Variants in GADL1 observed in about 807,000 individuals in gnomAD.
The protein encoded by GADL1 is GAD like acidic amino acid decarboxylase 1, also known as acidic amino acid decarboxylase GADL1.
In GADL1, 71 loss-of-function variants were observed where a neutral mutation model predicts 69.5. The observed-to-expected ratio is 1.02, with a 90% CI of 0.84 to 1.25. The LOEUF (loss-of-function observed/expected upper bound fraction) is 1.25, where lower values mean the gene tolerates loss of function less well. GADL1 is among the 50% of genes most tolerant of loss of function. The pLI, the probability that GADL1 is intolerant of heterozygous loss-of-function variation, is 0.00. For missense variants in GADL1, 737 were observed against 631.8 expected, an observed-to-expected ratio of 1.17 and a Z score of -1.79; for synonymous variants, 254 against 214.4, an observed-to-expected ratio of 1.18 and a Z score of -1.62.
chr3:30,799,653 A>C (rs936970741), intron 12 of GADL1: 1 of 152,148 alleles, frequency 6.6e-6, no homozygotes, highest in Non-Finnish European at 1.5e-5. Flanking sequence ...TCCTCAAAAA[A>C]TGGGTTTTTT....
At chr3:30,810,746 CCTTT>C (rs1697335720) in intron 11 of GADL1, among the ~76,000 whole-genome samples, 1 of 152,098 alleles carries the variant, frequency 6.6e-6, no homozygotes, top group Non-Finnish European at 1.5e-5. Context: ...CTCTGGCTCG[CCTTT>C]CTTCTCGCTT....
chr3:30,758,681 C>A (rs1304541411), intron 14 of GADL1, among the ~76,000 whole-genome samples: 1 of 152,184 alleles, frequency 6.6e-6, no homozygotes, highest in Non-Finnish European at 1.5e-5. Context: ...TTCCTGGATT[C>A]TTATCACTGA....
intron 11 of GADL1, among the ~76,000 whole-genome samples, chr3:30,810,293 T>C (rs1313798073): frequency 1.3e-5 from 2 of 152,202 alleles, no homozygotes; most frequent in Admixed American, 6.5e-5. Context: ...GATATAATGC[T>C]TTTAACTTCA....
chr3:30,813,361 G>T (rs1460815633), intron 11 of GADL1, among the ~76,000 whole-genome samples: 3 of 131,690 alleles, frequency 2.3e-5, no homozygotes, highest in African/African-American at 7.1e-5. Context: ...TGGATTAATT[G>T]CATCTCTCCA....
At chr3:30,808,999 T>C (rs1437225117) in intron 11 of GADL1, among the ~76,000 whole-genome samples, 1 of 152,186 alleles carries the variant, frequency 6.6e-6, no homozygotes, top group Admixed American at 6.5e-5. Flanking sequence ...GTGGAGAGTG[T>C]GCTTCATATA....
chr3:30,850,841 T>A lies in GADL1; in HGVS notation c.529A>T (p.Asn177Tyr). 6.5e-7 allele frequency: 1 copy of A among 1,538,384 alleles called. No homozygotes were observed. The highest frequency in any genetic ancestry group is 8.8e-7 in the Non-Finnish European group (1 of 1,135,108). ...IGWKEGDGIF[N>Y]PGGSVSNMYA... is the part of the protein sequence containing the mutation. Reference sequence around the variant, plus strand: ...AATAACTAATTGTACTCACCTGGGTTAAATATTCCATCCCCTTCTTTCCAG... The same window carrying A: ...AATAACTAATTGTACTCACCTGGGTAAAATATTCCATCCCCTTCTTTCCAG... The change falls in exon 5 of 15, where the codon AAC (asparagine) becomes TAC (tyrosine). Residue 177 changes from asparagine (N) to tyrosine (Y), a missense_variant. By Grantham distance (143) the Asn-to-Tyr change is moderately radical. Transcript: ENST00000282538.
At chr3:30,793,817 C>T (rs1413289926) in intron 12 of GADL1, among the ~76,000 whole-genome samples, 1 of 151,936 alleles carries the variant, frequency 6.6e-6, no homozygotes, top group African/African-American at 2.4e-5. Context: ...CTTAGCGCCT[C>T]CCTGAACCAT....
intron 14 of GADL1, among the ~76,000 whole-genome samples, chr3:30,767,393 T>C (rs1306068497): frequency 7.6e-6 from 1 of 131,642 alleles, no homozygotes. Context: ...GCCATTTAAA[T>C]CCTTTGGTTC....
intron 11 of GADL1, among the ~76,000 whole-genome samples, chr3:30,820,540 T>G (rs1697554501): frequency 1.3e-5 from 2 of 152,192 alleles, no homozygotes; most frequent in Admixed American, 6.6e-5. Context: ...AAGTTTTTCT[T>G]ACATCAGCCT....
At chr3:30,775,832 C>T (rs1696524244) in intron 14 of GADL1, among the ~76,000 whole-genome samples, 2 of 152,170 alleles carry the variant, frequency 1.3e-5, no homozygotes, top group African/African-American at 2.4e-5. Flanking sequence ...TGCGGTGGCT[C>T]ACGCCTGTAA....
intron 14 of GADL1, among the ~76,000 whole-genome samples, chr3:30,764,633 AAT>A (rs1380935856): frequency 6.6e-6 from 1 of 152,216 alleles, no homozygotes; most frequent in East Asian, 1.9e-4. Context: ...ATGCTCAATA[AAT>A]ATATTGTTTG....
chr3:30,789,653 C>G (rs898141161), intron 12 of GADL1, among the ~76,000 whole-genome samples: 1 of 152,178 alleles, frequency 6.6e-6, no homozygotes, highest in East Asian at 1.9e-4. Context: ...TAGCCACATT[C>G]TTCAGTGATC....
In GADL1 at chr3:30,796,826, G is replaced by T. The variant is rs535246180; in HGVS notation, c.1250+4063C>A. On this transcript the variant is annotated intron_variant, in intron 12 of 14. Coordinates refer to ENST00000282538, the MANE Select transcript of GADL1 (RefSeq NM_207359.3). ...GTTAATGTTTCCATCGCTTACTACCGAGAGTCCTCATATAGTATTCACAGG... is the reference window on the plus strand; with the variant it reads ...GTTAATGTTTCCATCGCTTACTACCTAGAGTCCTCATATAGTATTCACAGG... 7.2e-5 allele frequency among the ~76,000 whole-genome samples: 11 copies of T among 151,964 alleles called. No individual in the cohort carries two copies. The South Asian group carries it at 2.3e-3, about 32-fold the overall frequency.
At chr3:30,806,468 T>C (rs144431696) in intron 11 of GADL1, among the ~76,000 whole-genome samples, 13 of 152,328 alleles carry the variant, frequency 8.5e-5, no homozygotes, top group African/African-American at 3.1e-4. Context: ...GATTATGCCA[T>C]CTGATATTGG....
chr3:30,785,093 C>T lies in GADL1; in HGVS notation c.1302+1262G>A, dbSNP rs537000462. 3.3e-5 allele frequency among the ~76,000 whole-genome samples: 5 copies of T among 152,148 alleles called. No individual in the cohort carries two copies. The East Asian group carries it at 5.8e-4, about 18-fold the overall frequency. Reference sequence around the variant, plus strand: ...GATTACTCAAACCAAATAAGCCGTCCCCATTTCAGCATTCTACACTTTTCC... The same window carrying T: ...GATTACTCAAACCAAATAAGCCGTCTCCATTTCAGCATTCTACACTTTTCC... On this transcript the variant is annotated intron_variant, in intron 13 of 14. Coordinates refer to ENST00000282538, the MANE Select transcript of GADL1 (RefSeq NM_207359.3).
chr3:30,801,508 C>A (rs988846673), intron 11 of GADL1, among the ~76,000 whole-genome samples: 1 of 152,022 alleles, frequency 6.6e-6, no homozygotes, highest in Admixed American at 6.5e-5. Flanking sequence ...TTAAGACCTT[C>A]TCTCCTTCAT....
chr3:30,759,754 A>T (rs1553636270), intron 14 of GADL1, among the ~76,000 whole-genome samples: 1 of 152,152 alleles, frequency 6.6e-6, no homozygotes, highest in Non-Finnish European at 1.5e-5. Context: ...CTCGACTGCC[A>T]CTGGGTTTGT....
chr3:30,787,712 T>C (rs189601030), intron 12 of GADL1, among the ~76,000 whole-genome samples: 3 of 152,306 alleles, frequency 2.0e-5, no homozygotes, highest in African/African-American at 7.2e-5. Context: ...GACACAACCA[T>C]GCTCCTCTTG....
rs140312348 is a variant in GADL1 at position 30,860,534 on chromosome 3, G to C, written c.210+1059C>G. ...CTGGGCAAATACCAAACACCATCAG[G>C]ATTTTGCCTTGAACATAACTTCCAA... On this transcript the variant is annotated intron_variant, in intron 2 of 14. Coordinates refer to ENST00000282538, the MANE Select transcript of GADL1 (RefSeq NM_207359.3). Among the ~76,000 whole-genome samples, 328 of 152,012 alleles carry C rather than the reference G, an allele frequency of 2.2e-3. 4 individuals carry two copies. The highest frequency in any genetic ancestry group is 3.4e-3 in the Middle Eastern group (1 of 294).
Sources: allele counts gnomAD v4.1 joint callset (sites outside exome capture counted in the v4.1 genomes callset), GRCh38; gene constraint gnomAD v4.1.1; transcripts MANE v1.5; gene names NCBI Gene and HGNC (gene_info 2026-07-23, HGNC 2026-07-21).